The following LAMP2 variants were observed in gnomAD, a reference collection of about 807,000 sequenced individuals.
LAMP2 encodes lysosome-associated membrane glycoprotein 2.
LAMP2 carries 4 observed loss-of-function variants against 25.6 expected under a neutral mutation model. That is an observed-to-expected ratio of 0.16 (90% CI 0.08 to 0.36). The LOEUF (loss-of-function observed/expected upper bound fraction) is 0.36, where lower values mean the gene tolerates loss of function less well. Among genes scored for constraint, LAMP2 ranks in the 10% least tolerant of loss-of-function variants. LAMP2 has a pLI of 1.00. For synonymous variants in LAMP2, 108 were observed against 112.7 expected, an observed-to-expected ratio of 0.96 and a Z score of 0.27; for missense variants, 272 against 301.4, an observed-to-expected ratio of 0.90 and a Z score of 0.72.
At chrX:120,468,716 C>T (rs1474486724) in intron 1 of LAMP2, among the ~76,000 whole-genome samples, 1 of 110,665 alleles carries the variant, frequency 9.0e-6, no homozygotes, top group African/African-American at 3.3e-5. Flanking sequence ...CAAAACTCTT[C>T]CCTGATCTCA....
chrX:120,438,464 T>TA (rs767804392), intron 8 of LAMP2: 111 of 731,088 alleles, frequency 1.5e-4, no homozygotes, highest in Non-Finnish European at 1.8e-4. Flanking sequence ...CCAGTTTTTT[T>TA]AAAAAAAAGA....
chrX:120,446,164 G>A (rs796524197), intron 6 of LAMP2, 141 bp downstream of exon 6: 3 of 569,508 alleles, frequency 5.3e-6, no homozygotes, highest in South Asian at 2.5e-5. Flanking sequence ...GATGAACAGG[G>A]ATGAATGGAC....
chrX:120,429,146 A>G lies in LAMP2; in HGVS notation c.*2177T>C, dbSNP rs1309745569. 10 of 678,195 alleles carry G rather than the reference A, an allele frequency of 1.5e-5. No individual in the cohort carries two copies. Among genetic ancestry groups the G allele is most frequent in the East Asian group, 3.2e-4 (2 of 6,244 alleles). The allele number at this position is 678,195 out of a possible 1,213,427, so 55.9% of individuals were successfully genotyped here. On this transcript the variant is annotated 3_prime_UTR_variant, in exon 9 of 9. Transcript: ENST00000200639. ...TATATATATGTGTGTGTGTATATAT[A>G]TGTGTGTGTGTGTACATATATATAT...
intron 3 of LAMP2, among the ~76,000 whole-genome samples, chrX:120,454,258 T>C (rs747224567): frequency 1.0e-3 from 114 of 109,573 alleles, no homozygotes; most frequent in Middle Eastern, 9.3e-3. Context: ...GCATTTCCTG[T>C]ATAGGGTTTA....
chrX:120,446,296 G>A lies in LAMP2; in HGVS notation c.864+9C>T. On this transcript the variant is annotated intron_variant, in intron 6 of 8. Coordinates refer to ENST00000200639, the MANE Select transcript of LAMP2 (RefSeq NM_002294.3). The stretch of plus-strand genomic sequence containing the variant: ...GAATGAACCTAACTTTAAAAAATCT[G>A]TTACTCACCACAGCAAAGACAAAGT... 1.7e-6 allele frequency: 2 copies of A among 1,205,781 alleles called. No individual in the cohort carries two copies. Among genetic ancestry groups the A allele is most frequent in the South Asian group, 1.8e-5 (1 of 56,862 alleles).
rs1478845068 is a variant in LAMP2, at chrX:120,426,461, G to A, written c.*4862C>T. On this transcript the variant is annotated 3_prime_UTR_variant, in exon 9 of 9. Transcript: ENST00000200639. ...GATTTTGAGCTTCCTTTATCTTATT[G>A]GAGTTGAAGCAGTTTTTAACCCTCT... Among the ~76,000 whole-genome samples the A allele has an allele frequency of 9.1e-6, 1 of 109,645 alleles. No homozygotes were observed. Among genetic ancestry groups the A allele is most frequent in the Admixed American group, 9.9e-5 (1 of 10,148 alleles).
At position 120,429,965 on chromosome X, in the gene LAMP2, T is replaced by C; in HGVS notation, c.*1358A>G. On this transcript the variant is annotated 3_prime_UTR_variant, in exon 9 of 9. Coordinates refer to ENST00000200639, the MANE Select transcript of LAMP2 (RefSeq NM_002294.3). Reference sequence around the variant, plus strand: ...TGTACTTTTACCATTCATAAAAATGTTGCTACGGTTCTGAGTACACAACAC... The same window carrying C: ...TGTACTTTTACCATTCATAAAAATGCTGCTACGGTTCTGAGTACACAACAC... The C allele has an allele frequency of 1.3e-6, 1 of 754,112 alleles. No individual in the cohort carries two copies. Among genetic ancestry groups the C allele is most frequent in the Non-Finnish European group, 1.6e-6 (1 of 638,844 alleles). The allele number at this position is 754,112 out of a possible 1,213,427, so 62.1% of individuals were successfully genotyped here. A position where few individuals can be genotyped will look rare whatever the true frequency, so the allele number is the denominator to read the frequency against.
intron 6 of LAMP2, among the ~76,000 whole-genome samples, chrX:120,445,781 G>A (rs1406218037): frequency 1.8e-5 from 2 of 112,251 alleles, no homozygotes; most frequent in Non-Finnish European, 3.8e-5. Context: ...AAACCTGAAT[G>A]CTGCCATTAT....
intron 5 of LAMP2, among the ~76,000 whole-genome samples, 166 bp downstream of exon 5, chrX:120,447,675 A>G (rs904540695): frequency 4.5e-5 from 5 of 111,350 alleles, no homozygotes; most frequent in Admixed American, 2.8e-4. Context: ...GCACCACTGC[A>G]CTCCAGCCTG....
At chrX:120,437,013 T>C (rs2058547685) in intron 8 of LAMP2, 1 of 739,880 alleles carries the variant, frequency 1.4e-6, no homozygotes, top group East Asian at 1.5e-4. Context: ...TTATACACAT[T>C]ATCCATCTTA....
intron 8 of LAMP2, chrX:120,436,697 G>C (rs1280543600): frequency 4.1e-6 from 3 of 736,317 alleles, no homozygotes; most frequent in Non-Finnish European, 4.8e-6. Flanking sequence ...TTACCATCAA[G>C]GTATGAATCT....
Position 120,449,103 on chromosome X carries a change from C to T in LAMP2, c.423G>A (p.Leu141=). ...DKGILTVDEL[L]AIRIPLNDLF... is the part of the protein sequence containing the mutation. ...GGTCATTCAATGGAATTCTGATGGC[C>T]AAAAGTTCATCAACAGTAAGAATTC... The change falls in exon 4 of 9, where the codon TTG becomes TTA. Residue 141 remains leucine, a synonymous_variant. Transcript: ENST00000200639. The T allele has an allele frequency of 8.3e-7, 1 of 1,203,604 alleles. No homozygotes were observed. Among genetic ancestry groups the T allele is most frequent in the Non-Finnish European group, 1.1e-6 (1 of 888,451 alleles).
intron 6 of LAMP2, 76 bp downstream of exon 6, chrX:120,446,221 ACCCCCCTC>A: frequency 1.2e-6 from 1 of 838,974 alleles, no homozygotes; most frequent in Non-Finnish European, 1.8e-6. Flanking sequence ...AAAGCTAAAT[ACCCCCCTC>A]CCCCCATGCA....
chrX:120,439,672 GA>G (rs1036156009), intron 8 of LAMP2, among the ~76,000 whole-genome samples: 5 of 108,930 alleles, frequency 4.6e-5, no homozygotes, highest in East Asian at 2.9e-4. Flanking sequence ...TTATATATAT[GA>G]TATATATTTT....
At chrX:120,465,064 T>A (rs1921478247) in intron 1 of LAMP2, among the ~76,000 whole-genome samples, 1 of 111,702 alleles carries the variant, frequency 9.0e-6, no homozygotes, top group Non-Finnish European at 1.9e-5. Context: ...TTTATCACTA[T>A]CTGACATTAT....
chrX:120,457,274 T>C (rs1238219773), intron 1 of LAMP2, among the ~76,000 whole-genome samples: 1 of 111,313 alleles, frequency 9.0e-6, no homozygotes, highest in African/African-American at 3.3e-5. Context: ...AAAATAATGA[T>C]AGATCCGATA....
chrX:120,458,608 T>C (rs1459568667), intron 1 of LAMP2, among the ~76,000 whole-genome samples: 1 of 111,460 alleles, frequency 9.0e-6, no homozygotes, highest in Non-Finnish European at 1.9e-5. Context: ...CAACTCTAAC[T>C]GCACAGGGAC....
At position 120,436,990 on chromosome X, in the gene LAMP2, A is replaced by G. The variant is rs1043006098; in HGVS notation, c.1093+4740T>C. The G allele has an allele frequency of 9.4e-6, 7 of 744,497 alleles. No homozygotes were observed. In the Admixed American group the frequency reaches 3.5e-4, roughly 37 times the overall value. The allele number at this position is 744,497 out of a possible 1,213,427, so 61.4% of individuals were successfully genotyped here. ...TTGTTTTGACTCATGTGAAATAGTT[A>G]AGGCCTACATTCTTATACACATTAT... On this transcript the variant is annotated intron_variant, in intron 8 of 8. Coordinates refer to ENST00000200639, the MANE Select transcript of LAMP2 (RefSeq NM_002294.3).
At chrX:120,446,283 C>T (rs1478516515) in intron 6 of LAMP2, 22 bp downstream of exon 6, 1 of 1,198,729 alleles carries the variant, frequency 8.3e-7, no homozygotes, top group African/African-American at 1.7e-5. Flanking sequence ...ATGAACCTAA[C>T]TTTAAAAAAT....
Sources: allele counts gnomAD v4.1 joint callset (sites outside exome capture counted in the v4.1 genomes callset), GRCh38; gene constraint gnomAD v4.1.1; transcripts MANE v1.5; gene names NCBI Gene and HGNC (gene_info 2026-07-23, HGNC 2026-07-21).